NDFIP1: variants seen among roughly 807,000 people sequenced by gnomAD.
The protein encoded by NDFIP1 is NEDD4 family-interacting protein 1.
NDFIP1 carries 7 observed loss-of-function variants against 28.8 expected under a neutral mutation model. The ratio of observed to expected loss-of-function variants is 0.24; its 90% CI spans 0.14 to 0.46. The LOEUF is 0.46. Among genes scored for constraint, NDFIP1 ranks in the 20% least tolerant of loss-of-function variants. The probability of loss-of-function intolerance (pLI) is 0.99; values close to 1 mark genes in which losing one functional copy is unlikely to be tolerated. For missense variants in NDFIP1, 194 were observed against 269.1 expected, an observed-to-expected ratio of 0.72 and a Z score of 1.95; for synonymous variants, 92 against 101.0, an observed-to-expected ratio of 0.91 and a Z score of 0.53.
intron 1 of NDFIP1, among the ~76,000 whole-genome samples, chr5:142,124,130 A>G (rs770065151): frequency 2.0e-5 from 3 of 152,184 alleles, no homozygotes; most frequent in Non-Finnish European, 4.4e-5. Flanking sequence ...GGGTGCCAGA[A>G]AACAGAGGAT....
At position 142,153,279 on chromosome 5, in the gene NDFIP1, T is replaced by G. The variant is rs1172744858; in HGVS notation, c.*1551T>G. 4.4e-6 allele frequency: 2 copies of G among 456,498 alleles called. No individual in the cohort carries two copies. The highest frequency in any genetic ancestry group is 4.4e-6 in the Non-Finnish European group (1 of 226,900). The allele number at this position is 456,498 out of a possible 1,614,324, so 28.3% of individuals were successfully genotyped here. ...CCATTTGATTTTTTTCATTTTCTAT[T>G]TAAGAAATATGAAGAAAAAATACAC... On this transcript the variant is annotated 3_prime_UTR_variant, in exon 8 of 8. Coordinates refer to ENST00000253814, the MANE Select transcript of NDFIP1 (RefSeq NM_030571.4).
At chr5:142,147,458 T>C (rs577826786) in intron 7 of NDFIP1, among the ~76,000 whole-genome samples, 20 of 152,354 alleles carry the variant, frequency 1.3e-4, no homozygotes, top group Non-Finnish European at 2.6e-4. Context: ...ATTATGCTTA[T>C]CACAGTTTTT....
At chr5:142,142,940 A>AAATATATAT (rs60076432) in intron 6 of NDFIP1, 4 of 38,158 alleles carry the variant, frequency 1.0e-4, no homozygotes, top group African/African-American at 5.0e-4. Context: ...AAAAAAAAAA[A>AAATATATAT]ATATATATAT....
At chr5:142,144,758 C>A in intron 7 of NDFIP1, 82 bp downstream of exon 7, 1 of 866,912 alleles carries the variant, frequency 1.2e-6, no homozygotes, top group Non-Finnish European at 1.9e-6. Flanking sequence ...GAGTAAGTAT[C>A]TGTGATAGGG....
chr5:142,122,980 T>A (rs546541990), intron 1 of NDFIP1, among the ~76,000 whole-genome samples: 1 of 152,182 alleles, frequency 6.6e-6, no homozygotes, highest in Admixed American at 6.5e-5. Flanking sequence ...GTTTTGTGTT[T>A]TAGGCAGAGT....
chr5:142,113,514 A>T (rs1757036103), intron 1 of NDFIP1, among the ~76,000 whole-genome samples: 1 of 152,218 alleles, frequency 6.6e-6, no homozygotes, highest in Non-Finnish European at 1.5e-5. Flanking sequence ...AATTTATAAA[A>T]ATATTAGGAA....
At chr5:142,140,016 G>A (rs1222092317) in intron 5 of NDFIP1, among the ~76,000 whole-genome samples, 1 of 152,116 alleles carries the variant, frequency 6.6e-6, no homozygotes, top group African/African-American at 2.4e-5. Context: ...AAAGCTAAAA[G>A]CTGTCATATT....
At chr5:142,126,690 C>T (rs1405994435) in intron 1 of NDFIP1, among the ~76,000 whole-genome samples, 1 of 152,110 alleles carries the variant, frequency 6.6e-6, no homozygotes, top group Non-Finnish European at 1.5e-5. Context: ...CTGCCATTTG[C>T]TACAGTTATA....
chr5:142,135,646 T>C (rs1757267832), intron 3 of NDFIP1, 84 bp from the exon 4 acceptor site: 1 of 1,210,170 alleles, frequency 8.3e-7, no homozygotes, highest in African/African-American at 1.5e-5. Context: ...GCAATAACTT[T>C]TTTCCTTGCT....
chr5:142,109,296 C>T (rs1166298165), intron 1 of NDFIP1, among the ~76,000 whole-genome samples: 1 of 152,180 alleles, frequency 6.6e-6, no homozygotes, highest in African/African-American at 2.4e-5. Context: ...TTTCCCAGGG[C>T]GGGCGGGTCC....
intron 1 of NDFIP1, among the ~76,000 whole-genome samples, 186 bp downstream of exon 1, chr5:142,109,223 C>G (rs921622187): frequency 6.6e-6 from 1 of 152,120 alleles, no homozygotes; most frequent in Non-Finnish European, 1.5e-5. Flanking sequence ...CCGGCCTGCC[C>G]GTCTGCGACC....
intron 1 of NDFIP1, among the ~76,000 whole-genome samples, chr5:142,114,489 A>G (rs2126909822): frequency 6.6e-6 from 1 of 152,358 alleles, no homozygotes; most frequent in East Asian, 1.9e-4. Context: ...TTTCAAACAC[A>G]TACAATAATA....
intron 6 of NDFIP1, chr5:142,143,757 T>C (rs1757359589): frequency 6.6e-6 from 1 of 152,060 alleles, no homozygotes; most frequent in Non-Finnish European, 1.5e-5. Context: ...TCCCAACTCT[T>C]TGGGAGGCTG....
intron 6 of NDFIP1, 106 bp from the exon 7 acceptor site, chr5:142,144,465 T>C (rs1757367576): frequency 1.2e-6 from 1 of 818,436 alleles, no homozygotes; most frequent in African/African-American, 1.7e-5. Context: ...TTTGATTACC[T>C]TTAGCAGAAA....
At chr5:142,127,496 C>T (rs936982930) in intron 1 of NDFIP1, among the ~76,000 whole-genome samples, 39 of 152,164 alleles carry the variant, frequency 2.6e-4, no homozygotes, top group African/African-American at 8.7e-4. Context: ...AGTAATGGCA[C>T]ACTCTGGGTG....
At position 142,153,395 on chromosome 5, in the gene NDFIP1, C is replaced by T. The variant is rs1195575401; in HGVS notation, c.*1667C>T. Reference sequence around the variant, plus strand: ...TCTGCTGTGTATGTATATCCAGAATCAGCATAGGAAGTCGTTCAGGATATC... The same window carrying T: ...TCTGCTGTGTATGTATATCCAGAATTAGCATAGGAAGTCGTTCAGGATATC... On this transcript the variant is annotated 3_prime_UTR_variant, in exon 8 of 8. Transcript: ENST00000253814. 2.2e-6 allele frequency: 1 copy of T among 456,970 alleles called. No homozygotes were observed. Among genetic ancestry groups the T allele is most frequent in the Non-Finnish European group, 4.4e-6 (1 of 227,030 alleles). The allele number at this position is 456,970 out of a possible 1,614,324, so 28.3% of individuals were successfully genotyped here.
intron 5 of NDFIP1, among the ~76,000 whole-genome samples, chr5:142,139,205 G>A (rs1357535955): frequency 6.7e-6 from 1 of 149,438 alleles, no homozygotes; most frequent in East Asian, 1.9e-4. Flanking sequence ...GGGCGACAGA[G>A]CGAGACTCCT....
chr5:142,144,702 T>G, intron 7 of NDFIP1, 26 bp downstream of exon 7: 1 of 1,405,374 alleles, frequency 7.1e-7, no homozygotes, highest in Non-Finnish European at 1.0e-6. Flanking sequence ...TTTATTCTAG[T>G]CCCAGTGTAA....
chr5:142,112,387 A>G (rs538494242), intron 1 of NDFIP1, among the ~76,000 whole-genome samples: 3 of 151,956 alleles, frequency 2.0e-5, no homozygotes, highest in African/African-American at 7.2e-5. Context: ...CTGTTTAAAA[A>G]AAAAAGCACG....
Sources: gnomAD v4.1 joint callset for allele counts (sites outside exome capture counted in the v4.1 genomes callset) on GRCh38, gnomAD v4.1.1 for gene constraint, MANE v1.5 for transcripts, NCBI Gene and HGNC (gene_info 2026-07-23, HGNC 2026-07-21) for gene names.